The following DIXDC1 variants were observed in gnomAD, a reference collection of about 807,000 sequenced individuals.
DIXDC1 encodes dixin.
A neutral mutation model predicts 103.1 loss-of-function variants in DIXDC1; 64 were observed. The observed-to-expected ratio is 0.62, with a 90% CI of 0.51 to 0.76. The LOEUF (loss-of-function observed/expected upper bound fraction) is 0.76. Among genes scored for constraint, DIXDC1 ranks in the 30% least tolerant of loss-of-function variants. The probability of loss-of-function intolerance (pLI) is 0.00; values close to 1 mark genes in which losing one functional copy is unlikely to be tolerated. For synonymous variants in DIXDC1, 266 were observed against 298.5 expected (o/e 0.89, Z 1.12); for missense variants, 759 against 834.2 (o/e 0.91, Z 1.11).
intron 15 of DIXDC1, 125 bp downstream of exon 15, chr11:111,995,233 T>C (rs1860855447): frequency 1.5e-6 from 2 of 1,311,428 alleles, no homozygotes; most frequent in Non-Finnish European, 2.1e-6. Flanking sequence ...CTGTGGAGTG[T>C]GTAAAGATGT....
At chr11:112,000,109 T>C (rs1861021245) in intron 17 of DIXDC1, among the ~76,000 whole-genome samples, 1 of 152,078 alleles carries the variant, frequency 6.6e-6, no homozygotes, top group Non-Finnish European at 1.5e-5. Flanking sequence ...CACTCCAGCC[T>C]AGGCTACAGA....
chr11:111,992,403 T>G lies in DIXDC1; in HGVS notation c.1114-12T>G, dbSNP rs1555174616. 6.4e-7 allele frequency: 1 copy of G among 1,560,428 alleles called. No individual in the cohort carries two copies. Among genetic ancestry groups the G allele is most frequent in the African/African-American group, 1.4e-5 (1 of 73,604 alleles). ...ACTGAGACAACAATAATTAGTATGC[T>G]TTTTCCCCTAGGATGCCTTGCAGCA... On this transcript the variant is annotated splice_polypyrimidine_tract_variant and intron_variant, in intron 10 of 19. Transcript: ENST00000440460.
At chr11:111,930,706 A>C (rs1224888848) in intron 2 of DIXDC1, among the ~76,000 whole-genome samples, 4 of 152,034 alleles carry the variant, frequency 2.6e-5, no homozygotes, top group Non-Finnish European at 5.9e-5. Flanking sequence ...CTTATTTAGG[A>C]CTATGTCAGG....
At position 111,937,383 on chromosome 11, in the gene DIXDC1, G is replaced by A; in HGVS notation, c.-117G>A. 2 of 1,463,582 alleles carry A rather than the reference G, an allele frequency of 1.4e-6. No individual in the cohort carries two copies. The highest frequency in any genetic ancestry group is 1.8e-6 in the Non-Finnish European group (2 of 1,107,246). The allele number at this position is 1,463,582 out of a possible 1,614,324, so 90.7% of individuals were successfully genotyped here. On this transcript the variant is annotated 5_prime_UTR_variant, in exon 1 of 20. Coordinates refer to ENST00000440460, the MANE Select transcript of DIXDC1 (RefSeq NM_001037954.4). The stretch of plus-strand genomic sequence containing the variant: ...TAGGTTTCCAGTAAGTGGCATGCGG[G>A]ACTCCGGAGGGATCCCAATGAGCTG...
At chr11:111,987,406 G>A (rs977990945) in intron 9 of DIXDC1, among the ~76,000 whole-genome samples, 1 of 152,048 alleles carries the variant, frequency 6.6e-6, no homozygotes, top group Admixed American at 6.5e-5. Flanking sequence ...TAATCCTGGT[G>A]GTAGGTAATA....
At chr11:111,987,086 C>G (rs1316447265) in intron 9 of DIXDC1, among the ~76,000 whole-genome samples, 162 bp downstream of exon 9, 1 of 151,836 alleles carries the variant, frequency 6.6e-6, no homozygotes, top group Non-Finnish European at 1.5e-5. Context: ...CCGTCTCTAC[C>G]AAAAATACGA....
intron 10 of DIXDC1, among the ~76,000 whole-genome samples, chr11:111,989,365 C>T (rs1276280445): frequency 6.6e-6 from 1 of 152,178 alleles, no homozygotes; most frequent in Non-Finnish European, 1.5e-5. Flanking sequence ...TGGCTCACGC[C>T]TGTAATCCCA....
intron 17 of DIXDC1, among the ~76,000 whole-genome samples, chr11:112,013,257 C>T (rs1861478743): frequency 7.5e-6 from 1 of 133,008 alleles, no homozygotes; most frequent in African/African-American, 2.9e-5. Context: ...CTTAAAGGCC[C>T]TATCTCCAAA....
At chr11:111,931,043 G>A (rs1965998475) in intron 2 of DIXDC1, among the ~76,000 whole-genome samples, 1 of 151,610 alleles carries the variant, frequency 6.6e-6, no homozygotes, top group African/African-American at 2.4e-5. Flanking sequence ...TAGTAGAGAT[G>A]GGGTTTTACC....
intron 17 of DIXDC1, among the ~76,000 whole-genome samples, chr11:112,004,142 A>ATATC (rs1162160597): frequency 6.6e-6 from 1 of 151,130 alleles, no homozygotes; most frequent in Non-Finnish European, 1.5e-5. Context: ...GTATATATAT[A>ATATC]TATCACATGT....
chr11:112,015,136 C>T (rs1861547561), intron 17 of DIXDC1, among the ~76,000 whole-genome samples: 1 of 152,166 alleles, frequency 6.6e-6, no homozygotes, highest in African/African-American at 2.4e-5. Flanking sequence ...CCGCCCACCT[C>T]GGCCTCCCAA....
In DIXDC1 at chr11:111,977,974, G is replaced by C. The variant is rs781913110; in HGVS notation, c.657-2763G>C. Among the ~76,000 whole-genome samples, 1 of 152,132 alleles carries C rather than the reference G, an allele frequency of 6.6e-6. No individual in the cohort carries two copies. The highest frequency in any genetic ancestry group is 1.5e-5 in the Non-Finnish European group (1 of 68,022). ...TGGGCGTAGGAAGTGGAGCCAGCATGGGGGGAGGATGAGTAGCCCTTGCGC... is the reference window on the plus strand; with the variant it reads ...TGGGCGTAGGAAGTGGAGCCAGCATCGGGGGAGGATGAGTAGCCCTTGCGC... On this transcript the variant is annotated intron_variant, in intron 5 of 19. Transcript: ENST00000440460. This position sits in a 1 kb window ranked among gnomAD's most constrained non-coding sequence, Gnocchi z 6.1.
At chr11:111,949,933 G>A (rs1966722986) in intron 1 of DIXDC1, among the ~76,000 whole-genome samples, 1 of 151,300 alleles carries the variant, frequency 6.6e-6, no homozygotes, top group African/African-American at 2.4e-5. Flanking sequence ...TTTTTTAAAC[G>A]TTTCTCTCTT....
Position 111,977,770 on chromosome 11 carries a change from C to A in DIXDC1, c.656+2787C>A. 1 of 1,565,216 alleles carries A rather than the reference C, an allele frequency of 6.4e-7. No homozygotes were observed. Among genetic ancestry groups the A allele is most frequent in the Non-Finnish European group, 8.7e-7 (1 of 1,155,456 alleles). Reference sequence around the variant, plus strand: ...GCTGAAGCCCGAGACAGGAGGGGGACCATGGGAGGGACGCAAGTCAAATGG... The same window carrying A: ...GCTGAAGCCCGAGACAGGAGGGGGAACATGGGAGGGACGCAAGTCAAATGG... On this transcript the variant is annotated intron_variant, in intron 5 of 19. Coordinates refer to ENST00000440460, the MANE Select transcript of DIXDC1 (RefSeq NM_001037954.4). This position sits in a 1 kb window ranked among gnomAD's most constrained non-coding sequence, Gnocchi z 6.1.
intron 9 of DIXDC1, among the ~76,000 whole-genome samples, chr11:111,987,828 T>G (rs778819046): frequency 5.3e-5 from 8 of 151,300 alleles, no homozygotes; most frequent in Non-Finnish European, 8.9e-5. Context: ...CCTGGCTAAT[T>G]TTTGTATTTT....
rs587632702 is a variant in DIXDC1 at position 111,948,041 on chromosome 11, G to A, written c.60+10482G>A. ...AAAAGAATGAAGTAACTTGGATCTGGACAGAATGCCAAATAGCCTCAGCAC... is the reference window on the plus strand; with the variant it reads ...AAAAGAATGAAGTAACTTGGATCTGAACAGAATGCCAAATAGCCTCAGCAC... On this transcript the variant is annotated intron_variant, in intron 1 of 19. Coordinates refer to ENST00000440460, the MANE Select transcript of DIXDC1 (RefSeq NM_001037954.4). 6.6e-5 allele frequency among the ~76,000 whole-genome samples: 10 copies of A among 152,250 alleles called. No homozygotes were observed. The South Asian group carries it at 2.1e-3, about 32-fold the overall frequency.
intron 12 of DIXDC1, 123 bp downstream of exon 12, chr11:111,993,127 T>G: frequency 8.9e-7 from 1 of 1,123,318 alleles, no homozygotes; most frequent in South Asian, 1.6e-5. Flanking sequence ...TTATCCTTGC[T>G]TTTTAGAAGG....
intron 17 of DIXDC1, among the ~76,000 whole-genome samples, chr11:112,004,434 G>T (rs1192321020): frequency 6.6e-6 from 1 of 152,198 alleles, no homozygotes; most frequent in African/African-American, 2.4e-5. Context: ...AGCTAGTGGG[G>T]ATGGAAAGGA....
chr11:111,935,420 G>T (rs587775160), upstream of DIXDC1, among the ~76,000 whole-genome samples: 31 of 152,306 alleles, frequency 2.0e-4, no homozygotes, highest in African/African-American at 6.7e-4. Context: ...TCAAAGACTT[G>T]TTTGAGAAAC....
Sources: allele counts gnomAD v4.1 joint callset (sites outside exome capture counted in the v4.1 genomes callset), GRCh38; gene constraint gnomAD v4.1.1; non-coding constraint Gnocchi (gnomAD v3.1); transcripts MANE v1.5; gene names NCBI Gene and HGNC (gene_info 2026-07-23, HGNC 2026-07-21).